The following ALK variants were observed in gnomAD, a reference collection of about 807,000 sequenced individuals.
ALK encodes ALK receptor tyrosine kinase.
A neutral mutation model predicts 163.1 loss-of-function variants in ALK; 74 were observed. The observed-to-expected ratio is 0.45, with a 90% CI of 0.38 to 0.55. The LOEUF (loss-of-function observed/expected upper bound fraction) is 0.55, where lower values mean the gene tolerates loss of function less well. Among genes scored for constraint, ALK ranks in the 20% least tolerant of loss-of-function variants. The pLI is 0.00. For missense variants in ALK, 2,063 were observed against 2,105.3 expected (o/e 0.98, Z 0.39); for synonymous variants, 960 against 843.2 (o/e 1.14, Z -2.40).
intron 1 of ALK, among the ~76,000 whole-genome samples, chr2:29,819,709 TTTTG>T (rs1052261098): frequency 3.9e-5 from 6 of 152,248 alleles, no homozygotes; most frequent in African/African-American, 9.6e-5. Context: ...GCATGTGTTT[TTTTG>T]TTTGTTTTTG....
intron 2 of ALK, among the ~76,000 whole-genome samples, chr2:29,708,473 G>A (rs2148300071): frequency 6.6e-6 from 1 of 152,246 alleles, no homozygotes; most frequent in Admixed American, 6.5e-5. Context: ...CTGTTTTTAA[G>A]GTGCTCTCCA....
chr2:29,195,867 A>G (rs1669010462), intron 28 of ALK, among the ~76,000 whole-genome samples: 1 of 152,222 alleles, frequency 6.6e-6, no homozygotes, highest in Non-Finnish European at 1.5e-5. Flanking sequence ...CGGACAGAAC[A>G]AAGCCCTGAG....
intron 1 of ALK, among the ~76,000 whole-genome samples, chr2:29,793,355 C>T (rs58582357): frequency 0.011 from 1,720 of 152,272 alleles, 27 homozygotes; most frequent in African/African-American, 0.039. Flanking sequence ...AGTCTTGAAC[C>T]CCTCAAAGTA....
At chr2:29,764,483 C>T (rs1031564408) in intron 1 of ALK, among the ~76,000 whole-genome samples, 6 of 152,102 alleles carry the variant, frequency 3.9e-5, no homozygotes, top group African/African-American at 7.2e-5. Context: ...CAACATTTAC[C>T]GGCACACCAC....
intron 11 of ALK, among the ~76,000 whole-genome samples, chr2:29,264,811 C>T (rs1472363834): frequency 6.6e-6 from 1 of 152,114 alleles, no homozygotes; most frequent in Non-Finnish European, 1.5e-5. Flanking sequence ...GATGGACAAA[C>T]CAGAGTGGTT....
chr2:29,896,321 G>A (rs900299020), intron 1 of ALK, among the ~76,000 whole-genome samples: 2 of 152,136 alleles, frequency 1.3e-5, no homozygotes, highest in Non-Finnish European at 2.9e-5. Context: ...GCACAGAGCT[G>A]GGAGGGCAGA....
rs149843165 is a variant in ALK at position 29,445,571 on chromosome 2, G to A, written c.1155-61712C>T. On this transcript the variant is annotated intron_variant, in intron 4 of 28. Coordinates refer to ENST00000389048, the MANE Select transcript of ALK (RefSeq NM_004304.5). ...CTCATGCTTATAATCCCAGCACTTC[G>A]GGAGGCCGAGGGGGGTGGATCACCT... is the stretch of plus-strand genomic sequence containing the variant. Among the ~76,000 whole-genome samples, 535 of 152,302 alleles carry A rather than the reference G, an allele frequency of 3.5e-3. 2 individuals carry two copies. Among genetic ancestry groups the A allele is most frequent in the African/African-American group, 0.012 (504 of 41,570 alleles).
intron 4 of ALK, among the ~76,000 whole-genome samples, chr2:29,457,097 C>A (rs1670974982): frequency 6.6e-6 from 1 of 152,104 alleles, no homozygotes; most frequent in South Asian, 2.1e-4. Context: ...AGAAAGGCAC[C>A]GTGGTAACTT....
chr2:29,405,180 A>C (rs1669553525), intron 4 of ALK, among the ~76,000 whole-genome samples: 1 of 152,086 alleles, frequency 6.6e-6, no homozygotes, highest in Admixed American at 6.5e-5. Flanking sequence ...CCAGCTACAC[A>C]TTTTCTTTGT....
chr2:29,525,109 T>A (rs1672922713), intron 4 of ALK, among the ~76,000 whole-genome samples: 1 of 152,204 alleles, frequency 6.6e-6, no homozygotes. Context: ...GAATAACAGA[T>A]GTGTCAGGAG....
At chr2:29,677,025 T>C (rs1677893557) in intron 3 of ALK, among the ~76,000 whole-genome samples, 2 of 152,066 alleles carry the variant, frequency 1.3e-5, no homozygotes, top group Admixed American at 1.3e-4. Flanking sequence ...TTAGCTTTCA[T>C]TTTTTGTGAA....
At chr2:29,314,912 C>A (rs1471293971) in intron 8 of ALK, among the ~76,000 whole-genome samples, 3 of 152,088 alleles carry the variant, frequency 2.0e-5, no homozygotes, top group Non-Finnish European at 2.9e-5. Context: ...GACACATCCG[C>A]GGGTGTCTCA....
chr2:29,546,773 A>T (rs1673566202), intron 3 of ALK, among the ~76,000 whole-genome samples: 1 of 151,914 alleles, frequency 6.6e-6, no homozygotes, highest in South Asian at 2.1e-4. Context: ...CATTCCATTG[A>T]TTTTTTTAAT....
At chr2:29,700,176 G>A (rs571675180) in intron 2 of ALK, among the ~76,000 whole-genome samples, 1 of 152,314 alleles carries the variant, frequency 6.6e-6, no homozygotes, top group South Asian at 2.1e-4. Context: ...ATCCCAAGAG[G>A]CAGATTTCCT....
chr2:29,336,976 C>T (rs189496139), intron 5 of ALK, among the ~76,000 whole-genome samples: 1 of 152,016 alleles, frequency 6.6e-6, no homozygotes, highest in East Asian at 1.9e-4. Context: ...GGACTCAGGT[C>T]AAACCTGGGG....
At chr2:29,252,828 T>A (rs1157923553) in intron 11 of ALK, among the ~76,000 whole-genome samples, 1 of 142,828 alleles carries the variant, frequency 7.0e-6, no homozygotes, top group Non-Finnish European at 1.5e-5. Flanking sequence ...TTCCTGATTT[T>A]TTATTTATTT....
chr2:29,280,581 G>C (rs1469581782), intron 9 of ALK, among the ~76,000 whole-genome samples: 1 of 151,880 alleles, frequency 6.6e-6, no homozygotes, highest in African/African-American at 2.4e-5. Flanking sequence ...ACCACTCTGG[G>C]ATTCAGGGAA....
At chr2:29,433,961 T>C (rs1670338124) in intron 4 of ALK, among the ~76,000 whole-genome samples, 1 of 152,194 alleles carries the variant, frequency 6.6e-6, no homozygotes. Flanking sequence ...ATCTACAAGA[T>C]ATTTTAAAAC....
At chr2:29,675,812 A>G (rs1009348027) in intron 3 of ALK, among the ~76,000 whole-genome samples, 2 of 151,892 alleles carry the variant, frequency 1.3e-5, no homozygotes, top group African/African-American at 4.8e-5. Flanking sequence ...GCTTTAGTGT[A>G]TGTGCAATGT....
Sources: allele counts gnomAD v4.1 joint callset (sites outside exome capture counted in the v4.1 genomes callset), GRCh38; gene constraint gnomAD v4.1.1; transcripts MANE v1.5; gene names NCBI Gene and HGNC (gene_info 2026-07-23, HGNC 2026-07-21).